ALDH3B1: variants seen among roughly 807,000 people sequenced by gnomAD.
ALDH3B1 encodes aldehyde dehydrogenase 3 family member B1.
A neutral mutation model predicts 46.2 loss-of-function variants in ALDH3B1; 37 were observed. That is an observed-to-expected ratio of 0.80 (90% CI 0.62 to 1.05). The LOEUF (loss-of-function observed/expected upper bound fraction) is 1.05. Ranked by LOEUF, ALDH3B1 falls within the 50% of genes least tolerant of loss-of-function variation. ALDH3B1 has a pLI of 0.00. For synonymous variants in ALDH3B1, 283 were observed against 281.0 expected (o/e 1.01, Z -0.07); for missense variants, 603 against 665.5 (o/e 0.91, Z 1.03).
At position 68,021,872 on chromosome 11, in the gene ALDH3B1, G is replaced by A. The variant is rs749551866; in HGVS notation, c.949+1G>A. 2 of 1,595,700 alleles carry A rather than the reference G, an allele frequency of 1.3e-6. No homozygotes were observed. The highest frequency in any genetic ancestry group is 1.7e-6 in the Non-Finnish European group (2 of 1,170,032). ...AGCGATGAGAGCGATCGCTACATCG[G>A]TGAGTCCTGCTGCCCCTACCACAGC... is the stretch of plus-strand genomic sequence containing the variant. On this transcript the variant is annotated splice_donor_variant, in intron 7 of 9. Coordinates refer to ENST00000342456, the MANE Select transcript of ALDH3B1 (RefSeq NM_000694.4). LOFTEE classifies it high-confidence loss of function.
chr11:68,021,141 G>A (rs1565137280), intron 6 of ALDH3B1, among the ~76,000 whole-genome samples: 1 of 152,188 alleles, frequency 6.6e-6, no homozygotes, highest in Admixed American at 6.5e-5. Flanking sequence ...AGATGGGTGG[G>A]GAGGGGTTCC....
rs567444540 is a variant in ALDH3B1, at chr11:68,021,960, C to T, written c.949+89C>T. The T allele has an allele frequency of 6.2e-5, 94 of 1,511,320 alleles. 1 individual carries two copies. In the South Asian group the frequency reaches 9.8e-4, roughly 16 times the overall value. The allele number at this position is 1,511,320 out of a possible 1,614,324, so 93.6% of individuals were successfully genotyped here. A position where few individuals can be genotyped will look rare whatever the true frequency, so the allele number is the denominator to read the frequency against. The stretch of plus-strand genomic sequence containing the variant: ...AGGCTGGGCCACAACTCTGGACCCG[C>T]GCCTGAAACCTGGCCCCACTGCCAG... On this transcript the variant is annotated intron_variant, in intron 7 of 9. Transcript: ENST00000342456.
intron 1 of ALDH3B1, 88 bp from the exon 2 acceptor site, chr11:68,015,208 CA>C: frequency 1.4e-6 from 2 of 1,381,492 alleles, no homozygotes; most frequent in Non-Finnish European, 9.6e-7. Flanking sequence ...GCAGGCAGGT[CA>C]GGGGTGCCCA....
Position 68,027,881 on chromosome 11 carries a change from G to T in ALDH3B1, c.1349G>T (p.Arg450Leu). Residue 450 changes from arginine to leucine, a missense_variant, in exon 10 of 10, where the codon CGC (arginine) becomes CTC (leucine). Transcript: ENST00000342456. ...CGCTACCCGCCGCAATCGCCGCGCC[G>T]CCTGAGGATGCTGCTGGTGGCCATG... ...ALRYPPQSPR[R>L]LRMLLVAMEA... 6.4e-7 allele frequency: 1 copy of T among 1,563,434 alleles called. No homozygotes were observed. Among genetic ancestry groups the T allele is most frequent in the Non-Finnish European group, 8.6e-7 (1 of 1,156,228 alleles).
At chr11:68,027,184 C>G (rs567456659) in intron 9 of ALDH3B1, among the ~76,000 whole-genome samples, 2 of 152,246 alleles carry the variant, frequency 1.3e-5, no homozygotes, top group East Asian at 3.9e-4. Flanking sequence ...CCCTCTTGCC[C>G]CCACCCACTC....
chr11:68,022,815 G>A, intron 8 of ALDH3B1, 54 bp downstream of exon 8: 1 of 1,605,028 alleles, frequency 6.2e-7, no homozygotes, highest in Non-Finnish European at 8.5e-7. Flanking sequence ...GGCAGCACAA[G>A]TGGTGGCAGC....
intron 8 of ALDH3B1, 146 bp downstream of exon 8, chr11:68,022,907 G>A: frequency 7.9e-7 from 1 of 1,273,506 alleles, no homozygotes; most frequent in South Asian, 1.4e-5. Flanking sequence ...TCTCCTGGAA[G>A]CAGCTGAGCC....
In ALDH3B1 at chr11:68,018,789, C is replaced by A; in HGVS notation, c.290C>A (p.Ser97Tyr). Residue 97 changes from serine (S) to tyrosine (Y), a missense_variant, in exon 4 of 10, where the codon TCC becomes TAC. Ser to Tyr is a moderately radical substitution (Grantham distance 144). Coordinates refer to ENST00000342456, the MANE Select transcript of ALDH3B1 (RefSeq NM_000694.4). ...CCGGCCCAGGCCACGCAGCTGGACT[C>A]CGCCTTCATCCGGAAGGAGCCCTTT... is the stretch of plus-strand genomic sequence containing the variant. ...VPKNLATQLDSAFIRKEPFGL... is the reference protein window; with the variant it reads ...VPKNLATQLDYAFIRKEPFGL... 6.4e-7 allele frequency: 1 copy of A among 1,555,518 alleles called. No homozygotes were observed.
intron 6 of ALDH3B1, among the ~76,000 whole-genome samples, chr11:68,020,564 G>C (rs1857466199): frequency 6.6e-6 from 1 of 152,208 alleles, no homozygotes; most frequent in Non-Finnish European, 1.5e-5. Context: ...AGGGGCAGAG[G>C]GAGCGAGAGG....
intron 1 of ALDH3B1, among the ~76,000 whole-genome samples, chr11:68,011,345 G>T (rs111769364): frequency 3.5e-4 from 53 of 152,302 alleles, no homozygotes; most frequent in Non-Finnish European, 6.8e-4. Flanking sequence ...AAGGGGTAAG[G>T]CAGAGGGGAC....
chr11:68,013,673 G>A (rs1857280857), intron 1 of ALDH3B1, among the ~76,000 whole-genome samples: 1 of 152,220 alleles, frequency 6.6e-6, no homozygotes, highest in African/African-American at 2.4e-5. Context: ...CCATTTCACA[G>A]ATGAGGAAAC....
rs1565143534 is a variant in ALDH3B1 at position 68,028,845 on chromosome 11, T to C, written c.*906T>C. On this transcript the variant is annotated 3_prime_UTR_variant, in exon 10 of 10. Coordinates refer to ENST00000342456, the MANE Select transcript of ALDH3B1 (RefSeq NM_000694.4). Reference sequence around the variant, plus strand: ...CTCCAGGCAGGTGGGGCTGTGGTTATGCGATAGGGTCTCCCTTCCCTCCAG... The same window carrying C: ...CTCCAGGCAGGTGGGGCTGTGGTTACGCGATAGGGTCTCCCTTCCCTCCAG... 2 of 152,290 alleles carry C rather than the reference T, an allele frequency of 1.3e-5. No individual in the cohort carries two copies. Among genetic ancestry groups the C allele is most frequent in the African/African-American group, 2.4e-5 (1 of 41,424 alleles). The allele number at this position is 152,290 out of a possible 1,614,324, so 9.4% of individuals were successfully genotyped here.
At chr11:68,020,148 C>G (rs1857455868) in intron 6 of ALDH3B1, among the ~76,000 whole-genome samples, 1 of 152,228 alleles carries the variant, frequency 6.6e-6, no homozygotes, top group East Asian at 1.9e-4. Flanking sequence ...GTGTCCTGCC[C>G]AGGGTCACCC....
chr11:68,017,676 G>C (rs1814454716), intron 2 of ALDH3B1: 1 of 152,250 alleles, frequency 6.6e-6, no homozygotes, highest in South Asian at 2.1e-4. Context: ...TTAGAAGCCT[G>C]ACAGTGGCCC....
chr11:68,010,930 G>T (rs1857216262), intron 1 of ALDH3B1, among the ~76,000 whole-genome samples: 1 of 152,202 alleles, frequency 6.6e-6, no homozygotes, highest in African/African-American at 2.4e-5. Context: ...CCTGCAGGAG[G>T]CACTTCTCAT....
In ALDH3B1 at chr11:68,021,848, G is replaced by A; in HGVS notation, c.926G>A (p.Ser309Asn). The change falls in exon 7 of 10, where the codon AGC becomes AAC. Residue 309 changes from serine (S) to asparagine (N), a missense_variant. By Grantham distance (46) the Ser-to-Asn change is conservative (BLOSUM62 1). Transcript: ENST00000342456. ...GCGRVAIGGQSDESDRYIAPT... is the reference protein window; with the variant it reads ...GCGRVAIGGQNDESDRYIAPT... ...GGCCGTGTGGCCATTGGGGGCCAGA[G>A]CGATGAGAGCGATCGCTACATCGGT... 1.9e-6 allele frequency: 3 copies of A among 1,610,434 alleles called. No homozygotes were observed. The highest frequency in any genetic ancestry group is 2.5e-6 in the Non-Finnish European group (3 of 1,177,972).
At chr11:68,015,242 G>A in intron 1 of ALDH3B1, 55 bp from the exon 2 acceptor site, 2 of 1,445,630 alleles carry the variant, frequency 1.4e-6, no homozygotes, top group Non-Finnish European at 1.8e-6. Flanking sequence ...GCTGGGTGGT[G>A]CCCATGAAGG....
chr11:68,021,662 C>G lies in ALDH3B1; in HGVS notation c.740C>G (p.Pro247Arg), dbSNP rs1040170511. The G allele has an allele frequency of 6.2e-7, 1 of 1,613,868 alleles. No homozygotes were observed. Among genetic ancestry groups the G allele is most frequent in the African/African-American group, 1.3e-5 (1 of 74,894 alleles). The change falls in exon 7 of 10, where the codon CCC (proline) becomes CGC (arginine). Residue 247 changes from proline (P) to arginine (R), a missense_variant. Pro to Arg is a moderately radical substitution (Grantham distance 103). Coordinates refer to ENST00000342456, the MANE Select transcript of ALDH3B1 (RefSeq NM_000694.4). ...AACGCCGGCCAGACCTGCGTGGCCC[C>G]CGACTACGTCCTATGCAGCCCTGAG... is the stretch of plus-strand genomic sequence containing the variant. ...YFNAGQTCVA[P>R]DYVLCSPEMQ...
chr11:68,013,191 C>T (rs113457104), intron 1 of ALDH3B1, among the ~76,000 whole-genome samples: 1 of 152,188 alleles, frequency 6.6e-6, no homozygotes, highest in Non-Finnish European at 1.5e-5. Flanking sequence ...CTGCCCTGGG[C>T]ACTCCCTGGG....
Sources: gnomAD v4.1 joint callset for allele counts (sites outside exome capture counted in the v4.1 genomes callset) on GRCh38, gnomAD v4.1.1 for gene constraint, MANE v1.5 for transcripts, NCBI Gene and HGNC (gene_info 2026-07-23, HGNC 2026-07-21) for gene names.